HMBOX1: variants seen among roughly 807,000 people sequenced by gnomAD.
The protein encoded by HMBOX1 is homeobox-containing protein 1.
Under a neutral mutation model 54.5 loss-of-function variants are expected in HMBOX1, and 14 were observed. That is an observed-to-expected ratio of 0.26 (90% CI 0.17 to 0.40). HMBOX1 has a LOEUF of 0.40. Among genes scored for constraint, HMBOX1 ranks in the 10% least tolerant of loss-of-function variants. The pLI is 1.00. For synonymous variants in HMBOX1, 160 were observed against 181.0 expected, an observed-to-expected ratio of 0.88 and a Z score of 0.93; for missense variants, 332 against 514.4, an observed-to-expected ratio of 0.65 and a Z score of 3.43.
intron 6 of HMBOX1, among the ~76,000 whole-genome samples, chr8:29,022,053 T>C (rs1801270520): frequency 6.6e-6 from 1 of 152,194 alleles, no homozygotes; most frequent in Non-Finnish European, 1.5e-5. Flanking sequence ...AACAACTTAA[T>C]GGAAGGGAAT....
At chr8:28,930,808 T>A (rs1021661947) in intron 1 of HMBOX1, among the ~76,000 whole-genome samples, 57 of 152,202 alleles carry the variant, frequency 3.7e-4, no homozygotes, top group African/African-American at 1.4e-3. Context: ...TAACATATAT[T>A]TTTTATACCA....
At chr8:29,027,669 G>A (rs1802275292) in intron 6 of HMBOX1, among the ~76,000 whole-genome samples, 1 of 152,162 alleles carries the variant, frequency 6.6e-6, no homozygotes, top group Non-Finnish European at 1.5e-5. Flanking sequence ...GCTTTGACTG[G>A]ATGCAGGAAT....
chr8:28,918,683 A>G (rs1817013695), intron 1 of HMBOX1, among the ~76,000 whole-genome samples: 1 of 152,186 alleles, frequency 6.6e-6, no homozygotes, highest in Non-Finnish European at 1.5e-5. Context: ...TTTGTGCTGT[A>G]TTTGAGTTTA....
chr8:29,038,888 A>G (rs1295735413), intron 6 of HMBOX1, among the ~76,000 whole-genome samples: 1 of 152,126 alleles, frequency 6.6e-6, no homozygotes, highest in Non-Finnish European at 1.5e-5. Context: ...CCAACCTTTC[A>G]CAACCCCCTG....
At chr8:28,908,396 A>T (rs1169764957) in intron 1 of HMBOX1, among the ~76,000 whole-genome samples, 1 of 152,240 alleles carries the variant, frequency 6.6e-6, no homozygotes, top group East Asian at 1.9e-4. Context: ...TTGAATTTTT[A>T]TCTTTTAATT....
intron 1 of HMBOX1, among the ~76,000 whole-genome samples, chr8:28,938,118 A>G (rs927497527): frequency 2.0e-5 from 3 of 152,216 alleles, no homozygotes; most frequent in Non-Finnish European, 4.4e-5. Flanking sequence ...GTTTCAGATA[A>G]CAGACTTTGA....
At chr8:28,909,015 T>G (rs1382146888) in intron 1 of HMBOX1, among the ~76,000 whole-genome samples, 2 of 151,896 alleles carry the variant, frequency 1.3e-5, no homozygotes, top group Non-Finnish European at 2.9e-5. Flanking sequence ...CAGGATCATT[T>G]GAGCCAAAGT....
intron 1 of HMBOX1, among the ~76,000 whole-genome samples, chr8:28,901,035 G>T (rs992397994): frequency 2.6e-5 from 4 of 151,812 alleles, no homozygotes; most frequent in Non-Finnish European, 4.4e-5. Flanking sequence ...CTGTAAACTG[G>T]GCATAGATAA....
chr8:28,905,699 A>G (rs1379513266), intron 1 of HMBOX1, among the ~76,000 whole-genome samples: 1 of 152,196 alleles, frequency 6.6e-6, no homozygotes, highest in Non-Finnish European at 1.5e-5. Context: ...AAGGGCTGCT[A>G]CCAGCTGGCC....
At chr8:28,969,910 T>C in intron 2 of HMBOX1, 133 bp from the exon 3 acceptor site, 1 of 637,178 alleles carries the variant, frequency 1.6e-6, no homozygotes, top group Non-Finnish European at 2.7e-6. Flanking sequence ...ACAATCATTC[T>C]AGCATGGGAC....
intron 1 of HMBOX1, among the ~76,000 whole-genome samples, chr8:28,900,717 C>T (rs1279732814): frequency 6.6e-6 from 1 of 152,088 alleles, no homozygotes; most frequent in African/African-American, 2.4e-5. Flanking sequence ...CTTAAGAAGA[C>T]AGTCTTTTTT....
intron 1 of HMBOX1, among the ~76,000 whole-genome samples, chr8:28,906,701 T>G (rs1814395780): frequency 1.3e-5 from 2 of 152,214 alleles, no homozygotes; most frequent in South Asian, 4.1e-4. Flanking sequence ...GGGATTCTCC[T>G]GCCTCAGCCT....
chr8:28,944,139 A>G (rs895586515), intron 1 of HMBOX1, among the ~76,000 whole-genome samples: 1 of 152,100 alleles, frequency 6.6e-6, no homozygotes, highest in African/African-American at 2.4e-5. Flanking sequence ...GCATATCATC[A>G]TTGTCTGTCT....
At chr8:29,020,882 A>G (rs1408984217) in intron 6 of HMBOX1, among the ~76,000 whole-genome samples, 2 of 152,212 alleles carry the variant, frequency 1.3e-5, no homozygotes, top group African/African-American at 4.8e-5. Flanking sequence ...ATGTTGGTAT[A>G]AGATAAAAGT....
At chr8:28,982,336 T>C (rs1829483030) in intron 4 of HMBOX1, among the ~76,000 whole-genome samples, 1 of 152,228 alleles carries the variant, frequency 6.6e-6, no homozygotes, top group Non-Finnish European at 1.5e-5. Context: ...AATGCTATTC[T>C]AGGAGACTGG....
At position 28,900,273 on chromosome 8, in the gene HMBOX1, T is replaced by A. The variant is rs868609059; in HGVS notation, c.-58+9595T>A. Among the ~76,000 whole-genome samples the A allele has an allele frequency of 2.8e-3, 301 of 108,850 alleles. 2 individuals carry two copies. The highest frequency in any genetic ancestry group is 7.5e-3 in the African/African-American group (230 of 30,644). 71.4% of individuals were successfully genotyped at this position (108,850 alleles called of 152,430 possible). On this transcript the variant is annotated intron_variant, in intron 1 of 9. Coordinates refer to ENST00000287701, the MANE Select transcript of HMBOX1 (RefSeq NM_001135726.3). ...CCGTCTCAAAAAAAAAAAAAAAAAA[T>A]ATATATATATATATATATTTTGTTT...
intron 1 of HMBOX1, chr8:28,915,713 T>C (rs946066929): frequency 6.6e-6 from 1 of 151,970 alleles, no homozygotes; most frequent in African/African-American, 2.4e-5. Context: ...GGTTCCCTAC[T>C]GCTTTGAGTG....
At chr8:28,933,711 A>G (rs762258482) in intron 1 of HMBOX1, among the ~76,000 whole-genome samples, 2 of 152,216 alleles carry the variant, frequency 1.3e-5, no homozygotes, top group Non-Finnish European at 1.5e-5. Flanking sequence ...AAATGGTCAG[A>G]TTTCTTGATG....
At chr8:28,982,020 G>A (rs997994077) in intron 4 of HMBOX1, among the ~76,000 whole-genome samples, 2 of 152,036 alleles carry the variant, frequency 1.3e-5, no homozygotes, top group Admixed American at 6.5e-5. Context: ...GGCAGATCAC[G>A]AGGTCAGGAG....
Sources: allele counts gnomAD v4.1 joint callset (sites outside exome capture counted in the v4.1 genomes callset), GRCh38; gene constraint gnomAD v4.1.1; transcripts MANE v1.5; gene names NCBI Gene and HGNC (gene_info 2026-07-23, HGNC 2026-07-21).